Variants in SGMS1 observed in about 807,000 individuals in gnomAD.
SGMS1 encodes phosphatidylcholine:ceramide cholinephosphotransferase 1.
A neutral mutation model predicts 46.2 loss-of-function variants in SGMS1; 13 were observed. The observed-to-expected ratio is 0.28, with a 90% confidence interval of 0.18 to 0.45. The LOEUF is 0.45. Among genes scored for constraint, SGMS1 ranks in the 20% least tolerant of loss-of-function variants. The pLI is 1.00. For missense variants in SGMS1, 324 were observed against 519.9 expected (o/e 0.62, Z 3.66); for synonymous variants, 203 against 187.8 (o/e 1.08, Z -0.66).
At chr10:50,337,525 G>C (rs890183298) in intron 7 of SGMS1, among the ~76,000 whole-genome samples, 1 of 152,100 alleles carries the variant, frequency 6.6e-6, no homozygotes, top group Non-Finnish European at 1.5e-5. Flanking sequence ...CATAAAAAAA[G>C]GGAAAAATTG....
intron 2 of SGMS1, among the ~76,000 whole-genome samples, chr10:50,575,894 T>C (rs1838380813): frequency 6.6e-6 from 1 of 151,864 alleles, no homozygotes; most frequent in Admixed American, 6.6e-5. Flanking sequence ...AGGAAAGAAG[T>C]ATAACTGTTC....
At chr10:50,337,883 A>AT (rs1847742206) in intron 7 of SGMS1, among the ~76,000 whole-genome samples, 1 of 152,074 alleles carries the variant, frequency 6.6e-6, no homozygotes, top group Admixed American at 6.6e-5. Flanking sequence ...AAAAAAAAAA[A>AT]AAAAAAGTCT....
intron 7 of SGMS1, 120 bp from the exon 8 acceptor site, chr10:50,327,442 A>G (rs1847549678): frequency 1.5e-6 from 1 of 672,978 alleles, no homozygotes; most frequent in Non-Finnish European, 2.6e-6. Flanking sequence ...ACTTGAAACC[A>G]GAATGTTGTA....
At chr10:50,618,527 A>G (rs1838818901) in intron 1 of SGMS1, among the ~76,000 whole-genome samples, 1 of 139,694 alleles carries the variant, frequency 7.2e-6, no homozygotes, top group Non-Finnish European at 1.5e-5. Flanking sequence ...ATATTAAAAG[A>G]GTTCAAATTT....
chr10:50,340,135 T>C (rs1847793708), intron 7 of SGMS1, among the ~76,000 whole-genome samples: 2 of 152,252 alleles, frequency 1.3e-5, no homozygotes, highest in African/African-American at 4.8e-5. Flanking sequence ...GCAAGTTGAG[T>C]TTGAGGAACC....
intron 8 of SGMS1, among the ~76,000 whole-genome samples, chr10:50,321,913 T>C (rs1381530877): frequency 6.6e-6 from 1 of 152,196 alleles, no homozygotes; most frequent in Non-Finnish European, 1.5e-5. Context: ...TGGTTGACAT[T>C]ACAGTTCAGC....
intron 3 of SGMS1, among the ~76,000 whole-genome samples, chr10:50,500,951 G>A (rs1837656659): frequency 1.3e-5 from 2 of 152,076 alleles, no homozygotes; most frequent in Non-Finnish European, 2.9e-5. Flanking sequence ...TATTTCTATG[G>A]TAGTTCAAGA....
intron 6 of SGMS1, among the ~76,000 whole-genome samples, chr10:50,419,108 A>G (rs1849221171): frequency 2.0e-5 from 3 of 152,190 alleles, no homozygotes; most frequent in African/African-American, 7.2e-5. Flanking sequence ...CATAGTATAT[A>G]TAGGGTTCAG....
At chr10:50,398,053 T>C (rs554937680) in intron 6 of SGMS1, among the ~76,000 whole-genome samples, 25 of 152,338 alleles carry the variant, frequency 1.6e-4, no homozygotes, top group Admixed American at 3.3e-4. Context: ...TACTCTGGTG[T>C]GCTAAGATTT....
intron 7 of SGMS1, chr10:50,342,290 A>T (rs1310169090): frequency 2.0e-5 from 3 of 152,240 alleles, no homozygotes; most frequent in Admixed American, 6.5e-5. Context: ...AAGGAACAGA[A>T]AAAAACGTCT....
At chr10:50,625,116 C>T, upstream of SGMS1, 2 of 951,028 alleles carry the variant, frequency 2.1e-6, no homozygotes. Context: ...CTGTACCGAC[C>T]CCTGGCTTGC....
Position 50,422,221 on chromosome 10 carries a change from G to A in SGMS1, c.-232+11255C>T, listed in dbSNP as rs146057013. ...ATCCATCTGAGGTAGACGTGTTTCC[G>A]AGCATCTGTATCCCCCAGGGCCTAG... is the stretch of plus-strand genomic sequence containing the variant. On this transcript the variant is annotated intron_variant, in intron 6 of 10. Coordinates refer to ENST00000361781, the MANE Select transcript of SGMS1 (RefSeq NM_147156.4). Among the ~76,000 whole-genome samples the A allele has an allele frequency of 1.6e-3, 239 of 152,160 alleles. 1 individual carries two copies. The highest frequency in any genetic ancestry group is 5.0e-3 in the African/African-American group (207 of 41,500).
At chr10:50,398,953 C>T (rs1848890154) in intron 6 of SGMS1, among the ~76,000 whole-genome samples, 1 of 151,690 alleles carries the variant, frequency 6.6e-6, no homozygotes, top group Admixed American at 6.6e-5. Flanking sequence ...TATGAAATGT[C>T]CAGGACCGGA....
At chr10:50,314,956 T>C (rs1847316012) in intron 8 of SGMS1, among the ~76,000 whole-genome samples, 3 of 152,048 alleles carry the variant, frequency 2.0e-5, no homozygotes, top group Admixed American at 2.0e-4. Flanking sequence ...ACAACCTAAA[T>C]GGGAACTGTT....
chr10:50,532,614 T>A (rs1389099746), intron 2 of SGMS1, among the ~76,000 whole-genome samples: 1 of 152,210 alleles, frequency 6.6e-6, no homozygotes, highest in Non-Finnish European at 1.5e-5. Context: ...AACCTATCGA[T>A]GACATTAAGT....
chr10:50,405,149 G>C (rs1848995311), intron 6 of SGMS1, among the ~76,000 whole-genome samples: 1 of 151,924 alleles, frequency 6.6e-6, no homozygotes, highest in Admixed American at 6.6e-5. Context: ...TACTAACGAT[G>C]TACATGCACC....
At chr10:50,562,346 G>GTA (rs1838245521) in intron 2 of SGMS1, among the ~76,000 whole-genome samples, 2 of 63,318 alleles carry the variant, frequency 3.2e-5, no homozygotes, top group Admixed American at 1.8e-4. Context: ...GAGTGTGTGT[G>GTA]TGTGTGTGTG....
At chr10:50,561,048 T>A (rs904230904) in intron 2 of SGMS1, among the ~76,000 whole-genome samples, 1 of 152,206 alleles carries the variant, frequency 6.6e-6, no homozygotes, top group Non-Finnish European at 1.5e-5. Context: ...TTGGCAGATA[T>A]AAACTTTGGA....
At chr10:50,372,668 G>A (rs1252370407) in intron 6 of SGMS1, among the ~76,000 whole-genome samples, 5 of 151,478 alleles carry the variant, frequency 3.3e-5, no homozygotes, top group Non-Finnish European at 5.9e-5. Flanking sequence ...ACTCCAGCCC[G>A]GGTGACAGAG....
Sources: gnomAD v4.1 joint callset for allele counts (sites outside exome capture counted in the v4.1 genomes callset) on GRCh38, gnomAD v4.1.1 for gene constraint, MANE v1.5 for transcripts, NCBI Gene and HGNC (gene_info 2026-07-23, HGNC 2026-07-21) for gene names.